TRIML2: variants seen among roughly 807,000 people sequenced by gnomAD.
TRIML2 encodes probable E3 ubiquitin-protein ligase TRIML2.
A neutral mutation model predicts 31.2 loss-of-function variants in TRIML2; 28 were observed. The ratio of observed to expected loss-of-function variants is 0.90; its 90% CI spans 0.66 to 1.23. The LOEUF (loss-of-function observed/expected upper bound fraction) is 1.23, where lower values mean the gene tolerates loss of function less well. TRIML2 is among the 50% of genes most tolerant of loss of function. The pLI is 0.00. For missense variants in TRIML2, 536 were observed against 528.3 expected (o/e 1.01, Z -0.14); for synonymous variants, 187 against 197.5 (o/e 0.95, Z 0.45).
chr4:188,105,348 A>T lies in TRIML2; in HGVS notation c.21T>A (p.Pro7=). MSKRLS[P]QLQHNITEDA... is the part of the protein sequence containing the mutation. The stretch of plus-strand genomic sequence containing the variant: ...CTTCTGTGATGTTGTGCTGTAACTG[A>T]GGGCTGAGCCTTTTGGACATCCTGG... The change falls in exon 2 of 8, where the codon CCT becomes CCA. Residue 7 remains proline (P), a synonymous_variant. Coordinates refer to ENST00000682553, the MANE Select transcript of TRIML2 (RefSeq NM_173553.4). The T allele has an allele frequency of 6.3e-7, 1 of 1,588,598 alleles. No individual in the cohort carries two copies. The highest frequency in any genetic ancestry group is 8.6e-7 in the Non-Finnish European group (1 of 1,163,656).
chr4:188,097,436 T>C, intron 5 of TRIML2, 90 bp from the exon 6 acceptor site: 1 of 1,177,754 alleles, frequency 8.5e-7, no homozygotes, highest in Non-Finnish European at 1.3e-6. Flanking sequence ...TACAATGAAC[T>C]CAATTTCCAT....
intron 4 of TRIML2, among the ~76,000 whole-genome samples, chr4:188,100,779 T>C (rs1733751948): frequency 6.6e-6 from 1 of 152,224 alleles, no homozygotes; most frequent in Non-Finnish European, 1.5e-5. Flanking sequence ...GTTTCAGTGT[T>C]GCCTTACCCA....
intron 1 of TRIML2, among the ~76,000 whole-genome samples, chr4:188,107,619 T>C (rs1734095202): frequency 6.6e-6 from 1 of 152,236 alleles, no homozygotes; most frequent in Non-Finnish European, 1.5e-5. Context: ...CATTGCCCAC[T>C]GGCTGGGTGA....
In TRIML2 at chr4:188,091,528, T is replaced by C; in HGVS notation, c.1159A>G (p.Thr387Ala). 6.2e-7 allele frequency: 1 copy of C among 1,614,086 alleles called. No individual in the cohort carries two copies. Among genetic ancestry groups the C allele is most frequent in the South Asian group, 1.1e-5 (1 of 91,076 alleles). Residue 387 changes from threonine (T) to alanine (A), a missense_variant, in exon 8 of 8, where the codon ACC becomes GCC. Physicochemically the swap from Thr to Ala is moderately conservative, Grantham distance 58 (BLOSUM62 0). Transcript: ENST00000682553. ...EHGQISFYNVTEMSLIYNFSH... is the reference protein window; with the variant it reads ...EHGQISFYNVAEMSLIYNFSH... The stretch of plus-strand genomic sequence containing the variant: ...AAATTGTAAATGAGGGACATCTCGG[T>C]CACATTGTAGAATGATATCTGCCCG...
intron 3 of TRIML2, among the ~76,000 whole-genome samples, chr4:188,101,984 G>A (rs1733813203): frequency 6.6e-6 from 1 of 151,506 alleles, no homozygotes; most frequent in Admixed American, 6.6e-5. Flanking sequence ...CAAAAAATTA[G>A]CCGGGCTTGG....
rs1429895134 is a variant in TRIML2, at chr4:188,098,291, AGT to A, written c.621+742_621+743del. On this transcript the variant is annotated intron_variant, in intron 5 of 7. Coordinates refer to ENST00000682553, the MANE Select transcript of TRIML2 (RefSeq NM_173553.4). ...TCAAGATCAAGGCACTGGCAGATTC[AGT>A]GTCCGGTGAGGGCTCCATCCCTCCT... is the stretch of plus-strand genomic sequence containing the variant. 3 of 452,620 alleles carry A rather than the reference AGT, an allele frequency of 6.6e-6. No individual in the cohort carries two copies. In the Admixed American group the frequency reaches 7.2e-5, roughly 11 times the overall value. The allele number at this position is 452,620 out of a possible 1,614,324, so 28.0% of individuals were successfully genotyped here. A position where few individuals can be genotyped will look rare whatever the true frequency, so the allele number is the denominator to read the frequency against.
Position 188,104,249 on chromosome 4 carries a change from C to T in TRIML2, c.285+588G>A, listed in dbSNP as rs566265712. Among the ~76,000 whole-genome samples the T allele has an allele frequency of 7.2e-5, 11 of 152,298 alleles. No individual in the cohort carries two copies. In the South Asian group the frequency reaches 8.3e-4, roughly 11 times the overall value. Reference sequence around the variant, plus strand: ...CATATAATTTGTATTTCTCTTACCACGAACAAAGTTCAAATTCTTTCAATG... The same window carrying T: ...CATATAATTTGTATTTCTCTTACCATGAACAAAGTTCAAATTCTTTCAATG... On this transcript the variant is annotated intron_variant, in intron 3 of 7. Transcript: ENST00000682553.
At chr4:188,108,624 A>T (rs953675912) in intron 1 of TRIML2, among the ~76,000 whole-genome samples, 1 of 152,058 alleles carries the variant, frequency 6.6e-6, no homozygotes. Flanking sequence ...TGATCTCTCT[A>T]TAGCTTTCCC....
chr4:188,098,216 T>C (rs1733613334), intron 5 of TRIML2: 1 of 453,158 alleles, frequency 2.2e-6, no homozygotes, highest in African/African-American at 2.0e-5. Flanking sequence ...ATAGACTGAG[T>C]AGCTTCTGCA....
intron 2 of TRIML2, 76 bp downstream of exon 2, chr4:188,105,104 G>T: frequency 1.3e-6 from 2 of 1,517,980 alleles, no homozygotes; most frequent in Non-Finnish European, 9.0e-7. Flanking sequence ...TGGTTTTGGA[G>T]GACCAGAATG....
At chr4:188,100,708 C>A (rs1178127241) in intron 4 of TRIML2, among the ~76,000 whole-genome samples, 1 of 151,976 alleles carries the variant, frequency 6.6e-6, no homozygotes, top group African/African-American at 2.4e-5. Context: ...GAGACAGAGC[C>A]AGACTCTGTC....
At chr4:188,107,339 A>C (rs1734083125) in intron 1 of TRIML2, among the ~76,000 whole-genome samples, 2 of 152,216 alleles carry the variant, frequency 1.3e-5, no homozygotes, top group African/African-American at 4.8e-5. Flanking sequence ...ATGAATAACT[A>C]TAAAATGCAG....
intron 3 of TRIML2, among the ~76,000 whole-genome samples, chr4:188,102,643 G>A (rs1733848219): frequency 1.3e-5 from 2 of 151,988 alleles, no homozygotes; most frequent in African/African-American, 4.8e-5. Context: ...GGGGTCAGCA[G>A]TTCGAGACCA....
chr4:188,101,825 C>T (rs1303126676), intron 3 of TRIML2, among the ~76,000 whole-genome samples: 3 of 151,902 alleles, frequency 2.0e-5, no homozygotes, highest in East Asian at 3.9e-4. Context: ...AAAATGCAGA[C>T]GAAGAAATGT....
rs776833687 is a variant in TRIML2 at position 188,091,675 on chromosome 4, T to TC, written c.1011dup (p.Lys338GlufsTer38). 1 of 1,613,128 alleles carries TC rather than the reference T, an allele frequency of 6.2e-7. No individual in the cohort carries two copies. Among genetic ancestry groups the TC allele is most frequent in the Non-Finnish European group, 8.5e-7 (1 of 1,179,208 alleles). ...ATCACCGACCCCGTGAGCAAGACTT[T>TC]CTCTCCGGAAGCTCTGGCCGTGCTG... On this transcript the variant is annotated frameshift_variant, in exon 8 of 8. Coordinates refer to ENST00000682553, the MANE Select transcript of TRIML2 (RefSeq NM_173553.4). LOFTEE classifies it low-confidence loss of function (END_TRUNC).
chr4:188,093,672 C>CA (rs1430591173), intron 7 of TRIML2, among the ~76,000 whole-genome samples: 2 of 148,228 alleles, frequency 1.3e-5, no homozygotes, highest in African/African-American at 2.5e-5. Context: ...AAAACAAAAA[C>CA]AAAAAAGGTT....
At position 188,091,417 on chromosome 4, in the gene TRIML2, T is replaced by C. The variant is rs1733245717; in HGVS notation, c.1270A>G (p.Ile424Val). Residue 424 changes from isoleucine (I) to valine (V), a missense_variant, in exon 8 of 8, where the codon ATC (isoleucine) becomes GTC (valine). Physicochemically the swap from Ile to Val is conservative, Grantham distance 29. Transcript: ENST00000682553. The stretch of plus-strand genomic sequence containing the variant: ...TCACAAGAAGGACCATGTTGTAAGA[T>C]GGTGAGGGAGTCTGGACTTGTGTCT... ...NGDTSPDSLT[I>V]LQHGPSCDAT... The C allele has an allele frequency of 3.1e-6, 5 of 1,614,062 alleles. No individual in the cohort carries two copies. Among genetic ancestry groups the C allele is most frequent in the African/African-American group, 1.3e-5 (1 of 74,928 alleles).
chr4:188,107,302 G>A (rs1734082239), intron 1 of TRIML2, among the ~76,000 whole-genome samples: 2 of 152,170 alleles, frequency 1.3e-5, no homozygotes, highest in Admixed American at 6.5e-5. Flanking sequence ...GTGACCCACC[G>A]TGCCTGGCTT....
In TRIML2 at chr4:188,091,780, T is replaced by C; in HGVS notation, c.907A>G (p.Arg303Gly). The change falls in exon 8 of 8, where the codon AGG (arginine) becomes GGG (glycine). Residue 303 changes from arginine (R) to glycine (G), a missense_variant. Physicochemically the swap from Arg to Gly is moderately radical, Grantham distance 125 (BLOSUM62 -2). Coordinates refer to ENST00000682553, the MANE Select transcript of TRIML2 (RefSeq NM_173553.4). ...VLAAESFTSG[R>G]HYWEVDVEKA... ...TCCACGTCCACCTCCCAGTAGTGCC[T>C]CCCTGAGGTGAAGCTCTCCGCAGCC... 6.2e-7 allele frequency: 1 copy of C among 1,614,088 alleles called. No homozygotes were observed. The highest frequency in any genetic ancestry group is 8.5e-7 in the Non-Finnish European group (1 of 1,180,018).
Sources: allele counts gnomAD v4.1 joint callset (sites outside exome capture counted in the v4.1 genomes callset), GRCh38; gene constraint gnomAD v4.1.1; transcripts MANE v1.5; gene names NCBI Gene and HGNC (gene_info 2026-07-23, HGNC 2026-07-21).